SSTR2: variants seen among roughly 807,000 people sequenced by gnomAD.
The protein encoded by SSTR2 is somatostatin receptor type 2.
SSTR2 carries 10 observed loss-of-function variants against 21.4 expected under a neutral mutation model. The observed-to-expected ratio is 0.47, with a 90% CI of 0.29 to 0.79. The LOEUF (loss-of-function observed/expected upper bound fraction) is 0.79, where lower values mean the gene tolerates loss of function less well. SSTR2 is among the 30% of genes least tolerant of loss of function. SSTR2 has a pLI of 0.10. For missense variants in SSTR2, 364 were observed against 468.8 expected (o/e 0.78, Z 2.06); for synonymous variants, 177 against 181.3 (o/e 0.98, Z 0.19).
chr17:73,169,857 T>C lies in SSTR2; in HGVS notation c.538T>C (p.Tyr180His), dbSNP rs370580011. ...SLLVILPIMI[Y>H]AGLRSNQWGR... ...GCTGGTCATCTTGCCCATCATGATA[T>C]ATGCTGGGCTCCGGAGCAACCAGTG... Residue 180 changes from tyrosine (Y) to histidine (H), a missense_variant, in exon 2 of 2, where the codon TAT (tyrosine) becomes CAT (histidine). By Grantham distance (83) the Tyr-to-His change is moderately conservative (BLOSUM62 2). Coordinates refer to ENST00000357585, the MANE Select transcript of SSTR2 (RefSeq NM_001050.3). The surrounding 1 kb of genome is among the most constrained non-coding windows in gnomAD (Gnocchi z 5.2). The C allele has an allele frequency of 4.3e-6, 7 of 1,613,564 alleles. No individual in the cohort carries two copies. The Admixed American group carries it at 5.0e-5, about 12-fold the overall frequency.
Position 73,174,852 on chromosome 17 carries a change from A to G in SSTR2, c.*4423A>G, listed in dbSNP as rs1210945044. The G allele has an allele frequency of 6.5e-6, 1 of 153,542 alleles. No individual in the cohort carries two copies. Among genetic ancestry groups the G allele is most frequent in the Admixed American group, 6.5e-5 (1 of 15,280 alleles). The allele number at this position is 153,542 out of a possible 1,614,324, so 9.5% of individuals were successfully genotyped here. On this transcript the variant is annotated 3_prime_UTR_variant, in exon 2 of 2. Transcript: ENST00000357585. ...TCAGCAAAGTACAAAAATTTAAAGC[A>G]TTCCTTTCTTTAATTTTGTAATTCT...
rs2061228643 is a variant in SSTR2 at position 73,169,997 on chromosome 17, T to G, written c.678T>G (p.Leu226=). 15 of 1,612,106 alleles carry G rather than the reference T, an allele frequency of 9.3e-6. No individual in the cohort carries two copies. Among genetic ancestry groups the G allele is most frequent in the Non-Finnish European group, 1.1e-5 (13 of 1,178,458 alleles). ...TGGTACCCCTCACCATCATCTGTCT[T>G]TGCTACCTGTTCATTATCATCAAGG... ...GFLVPLTIIC[L]CYLFIIIKVK... is the part of the protein sequence containing the mutation. Residue 226 remains leucine, a synonymous_variant, in exon 2 of 2, where the codon CTT becomes CTG. Coordinates refer to ENST00000357585, the MANE Select transcript of SSTR2 (RefSeq NM_001050.3). The surrounding 1 kb of genome is among the most constrained non-coding windows in gnomAD (Gnocchi z 5.2).
intron 1 of SSTR2, among the ~76,000 whole-genome samples, chr17:73,167,343 G>A (rs767010576): frequency 2.0e-5 from 3 of 152,194 alleles, no homozygotes; most frequent in Non-Finnish European, 4.4e-5. Flanking sequence ...GAGCACAGAA[G>A]GAACGAGCAA....
chr17:73,170,512 C>A lies in SSTR2; in HGVS notation c.*83C>A. 6.6e-7 allele frequency: 1 copy of A among 1,512,122 alleles called. No homozygotes were observed. The highest frequency in any genetic ancestry group is 9.0e-7 in the Non-Finnish European group (1 of 1,105,106). The allele number at this position is 1,512,122 out of a possible 1,614,324, so 93.7% of individuals were successfully genotyped here. A position where few individuals can be genotyped will look rare whatever the true frequency, so the allele number is the denominator to read the frequency against. On this transcript the variant is annotated 3_prime_UTR_variant, in exon 2 of 2. Transcript: ENST00000357585. ...CTACCCACACTGGCTTCCTGCCTCC[C>A]ACCCCTCACACCTGGCTTCTAGAAT...
intron 1 of SSTR2, among the ~76,000 whole-genome samples, chr17:73,165,942 G>GCCC (rs398041871): frequency 0.014 from 1,936 of 142,024 alleles, 49 homozygotes; most frequent in African/African-American, 0.048. Flanking sequence ...TGTCCTCAGC[G>GCCC]CCCCCCCCCC....
chr17:73,166,257 T>C (rs2145066308), intron 1 of SSTR2, among the ~76,000 whole-genome samples: 1 of 152,324 alleles, frequency 6.6e-6, no homozygotes, highest in Middle Eastern at 3.4e-3. Flanking sequence ...GGGCTCTCGC[T>C]CTAGCCGCAC....
rs1418259654 is a variant in SSTR2, at chr17:73,174,639, G to A, written c.*4210G>A. ...GCTCTGAATGTGACTATTCAATGAA[G>A]ACAGTAAAGTTACAGTGTAAGGCAC... On this transcript the variant is annotated 3_prime_UTR_variant, in exon 2 of 2. Transcript: ENST00000357585. The A allele has an allele frequency of 6.6e-6, 1 of 152,024 alleles. No individual in the cohort carries two copies. Among genetic ancestry groups the A allele is most frequent in the Non-Finnish European group, 1.5e-5 (1 of 68,002 alleles). 9.4% of individuals were successfully genotyped at this position (152,024 alleles called of 1,614,324 possible).
Position 73,174,518 on chromosome 17 carries a change from G to T in SSTR2, c.*4089G>T, listed in dbSNP as rs2061244181. Reference sequence around the variant, plus strand: ...AGGCTGGGGAATCGCTTGAGCCCAGGATTTTGAGACTAGCCTAGGCAATAT... The same window carrying T: ...AGGCTGGGGAATCGCTTGAGCCCAGTATTTTGAGACTAGCCTAGGCAATAT... On this transcript the variant is annotated 3_prime_UTR_variant, in exon 2 of 2. Coordinates refer to ENST00000357585, the MANE Select transcript of SSTR2 (RefSeq NM_001050.3). 6.6e-6 allele frequency: 1 copy of T among 151,280 alleles called. No homozygotes were observed. Among genetic ancestry groups the T allele is most frequent in the Non-Finnish European group, 1.5e-5 (1 of 67,940 alleles). The allele number at this position is 151,280 out of a possible 1,614,324, so 9.4% of individuals were successfully genotyped here.
Position 73,170,620 on chromosome 17 carries a change from T to C in SSTR2, c.*191T>C. 2 of 773,136 alleles carry C rather than the reference T, an allele frequency of 2.6e-6. No homozygotes were observed. The highest frequency in any genetic ancestry group is 2.2e-4 in the Middle Eastern group (1 of 4,462). The allele number at this position is 773,136 out of a possible 1,614,324, so 47.9% of individuals were successfully genotyped here. A position where few individuals can be genotyped will look rare whatever the true frequency, so the allele number is the denominator to read the frequency against. ...ATTGAATGATAATGTGCTAAATTGA[T>C]TACCTCCCCCTTAAAGCGAACACTG... On this transcript the variant is annotated 3_prime_UTR_variant, in exon 2 of 2. Transcript: ENST00000357585.
chr17:73,166,916 T>C (rs1259040470), intron 1 of SSTR2, among the ~76,000 whole-genome samples: 5 of 152,086 alleles, frequency 3.3e-5, no homozygotes, highest in Non-Finnish European at 7.3e-5. Flanking sequence ...CACTCAACCC[T>C]CTCTCATACT....
chr17:73,168,661 C>T lies in SSTR2; in HGVS notation c.-92-567C>T, dbSNP rs114978460. Among the ~76,000 whole-genome samples the T allele has an allele frequency of 8.9e-3, 1,360 of 152,272 alleles. 12 individuals are homozygous for T. The highest frequency in any genetic ancestry group is 0.03 in the African/African-American group (1,255 of 41,540). On this transcript the variant is annotated intron_variant, in intron 1 of 1. Transcript: ENST00000357585. ...AAGGCTAGGCATTTTCACATATATT[C>T]CATCATTTAACCTTCATGACGCCCC...
At position 73,170,944 on chromosome 17, in the gene SSTR2, A is replaced by C. The variant is rs1173794407; in HGVS notation, c.*515A>C. 1.1e-5 allele frequency: 4 copies of C among 363,240 alleles called. No individual in the cohort carries two copies. The East Asian group carries it at 2.9e-4, about 27-fold the overall frequency. The allele number at this position is 363,240 out of a possible 1,614,324, so 22.5% of individuals were successfully genotyped here. A position where few individuals can be genotyped will look rare whatever the true frequency, so the allele number is the denominator to read the frequency against. On this transcript the variant is annotated 3_prime_UTR_variant, in exon 2 of 2. Transcript: ENST00000357585. The stretch of plus-strand genomic sequence containing the variant: ...ACTTACCGTGAAGCCAATAAAGTTC[A>C]AGCTTCAGGGATCTCTCTTGCACGG...
At position 73,173,770 on chromosome 17, in the gene SSTR2, C is replaced by T. The variant is rs935430013; in HGVS notation, c.*3341C>T. ...TGGGAAAAATAATATGATATTGTGG[C>T]CTATGTTGAATGATGTTAGCTTGTG... On this transcript the variant is annotated 3_prime_UTR_variant, in exon 2 of 2. Transcript: ENST00000357585. 2.0e-5 allele frequency: 3 copies of T among 152,134 alleles called. No individual in the cohort carries two copies. The East Asian group carries it at 5.8e-4, about 29-fold the overall frequency. 9.4% of individuals were successfully genotyped at this position (152,134 alleles called of 1,614,324 possible).
chr17:73,167,197 T>C (rs1292229968), intron 1 of SSTR2, among the ~76,000 whole-genome samples: 1 of 152,234 alleles, frequency 6.6e-6, no homozygotes, highest in Non-Finnish European at 1.5e-5. Context: ...TCTGTACAGC[T>C]TCTGTTTTAA....
chr17:73,167,733 C>T (rs969165705), intron 1 of SSTR2, among the ~76,000 whole-genome samples: 1 of 152,148 alleles, frequency 6.6e-6, no homozygotes. Flanking sequence ...AATGCCCACC[C>T]TATATGAGCT....
intron 1 of SSTR2, among the ~76,000 whole-genome samples, chr17:73,167,185 T>C (rs1011623395): frequency 6.6e-6 from 1 of 152,218 alleles, no homozygotes; most frequent in African/African-American, 2.4e-5. Context: ...CTAACCACAG[T>C]TTCTGTACAG....
chr17:73,165,668 C>T lies in SSTR2; in HGVS notation c.-93+380C>T, dbSNP rs997264678. On this transcript the variant is annotated intron_variant, in intron 1 of 1. Coordinates refer to ENST00000357585, the MANE Select transcript of SSTR2 (RefSeq NM_001050.3). ...CAAAAGAGACCTGGCGCGAGGGGAGCGAGGCCGTGAGATGCCAGCTGGGGC... is the reference window on the plus strand; with the variant it reads ...CAAAAGAGACCTGGCGCGAGGGGAGTGAGGCCGTGAGATGCCAGCTGGGGC... 2.6e-5 allele frequency among the ~76,000 whole-genome samples: 4 copies of T among 152,000 alleles called. No homozygotes were observed. In the South Asian group the frequency reaches 8.3e-4, roughly 32 times the overall value.
rs1309559490 is a variant in SSTR2, at chr17:73,176,564, G to GT, written c.*6136dup. The GT allele has an allele frequency of 1.3e-5, 2 of 152,260 alleles. No individual in the cohort carries two copies. The highest frequency in any genetic ancestry group is 2.9e-5 in the Non-Finnish European group (2 of 68,090). The allele number at this position is 152,260 out of a possible 1,614,324, so 9.4% of individuals were successfully genotyped here. A position where few individuals can be genotyped will look rare whatever the true frequency, so the allele number is the denominator to read the frequency against. On this transcript the variant is annotated 3_prime_UTR_variant, in exon 2 of 2. Coordinates refer to ENST00000357585, the MANE Select transcript of SSTR2 (RefSeq NM_001050.3). The stretch of plus-strand genomic sequence containing the variant: ...GTTTGCTTCCCCTTCTGCCATGATT[G>GT]TAAGTTTCCTGAGGCCTCCCCAGCC...
chr17:73,166,379 C>G (rs1303109851), intron 1 of SSTR2, among the ~76,000 whole-genome samples: 1 of 151,172 alleles, frequency 6.6e-6, no homozygotes. Flanking sequence ...TAGGACCTCC[C>G]CTGATGTCGG....
Sources: allele counts gnomAD v4.1 joint callset (sites outside exome capture counted in the v4.1 genomes callset), GRCh38; gene constraint gnomAD v4.1.1; non-coding constraint Gnocchi (gnomAD v3.1); transcripts MANE v1.5; gene names NCBI Gene and HGNC (gene_info 2026-07-23, HGNC 2026-07-21).